SCAPER: variants seen among roughly 807,000 people sequenced by gnomAD.
SCAPER encodes the protein S-phase cyclin A associated protein in the ER, also known as S phase cyclin A-associated protein in the endoplasmic reticulum.
Under a neutral mutation model 182.2 loss-of-function variants are expected in SCAPER, and 98 were observed. The observed-to-expected ratio is 0.54, with a 90% CI of 0.46 to 0.64. SCAPER has a LOEUF of 0.64. Ranked by LOEUF, SCAPER falls within the 30% of genes least tolerant of loss-of-function variation. The pLI, the probability that SCAPER is intolerant of heterozygous loss-of-function variation, is 0.00. For synonymous variants in SCAPER, 605 were observed against 564.6 expected, an observed-to-expected ratio of 1.07 and a Z score of -1.01; for missense variants, 1,432 against 1,690.0, an observed-to-expected ratio of 0.85 and a Z score of 2.68.
At chr15:76,516,124 G>GT (rs1012039280) in intron 23 of SCAPER, among the ~76,000 whole-genome samples, 16 of 150,980 alleles carry the variant, frequency 1.1e-4, no homozygotes, top group South Asian at 4.2e-4. Flanking sequence ...CTTGGCATCA[G>GT]TTTTTTTTGC....
At chr15:76,879,969 A>T (rs1209728171) in intron 2 of SCAPER, among the ~76,000 whole-genome samples, 3 of 152,214 alleles carry the variant, frequency 2.0e-5, no homozygotes, top group African/African-American at 7.2e-5. Flanking sequence ...GGTGTCTGGC[A>T]CATAAATATG....
chr15:76,487,599 A>T (rs1300987046), intron 24 of SCAPER, among the ~76,000 whole-genome samples: 1 of 152,210 alleles, frequency 6.6e-6, no homozygotes, highest in Non-Finnish European at 1.5e-5. Flanking sequence ...TTTCAAGAAT[A>T]GGTAAAACTG....
At chr15:76,871,891 C>T (rs536988633) in intron 2 of SCAPER, among the ~76,000 whole-genome samples, 3 of 151,772 alleles carry the variant, frequency 2.0e-5, no homozygotes, top group Non-Finnish European at 4.4e-5. Context: ...ACGCCTGGCA[C>T]AATTTGCATT....
chr15:76,533,233 T>C (rs571273975), intron 23 of SCAPER, among the ~76,000 whole-genome samples: 1 of 152,186 alleles, frequency 6.6e-6, no homozygotes, highest in Non-Finnish European at 1.5e-5. Flanking sequence ...GGAAGTGCAC[T>C]GTTAAAAATC....
At chr15:76,424,587 T>C (rs561645650) in intron 26 of SCAPER, among the ~76,000 whole-genome samples, 9 of 152,342 alleles carry the variant, frequency 5.9e-5, no homozygotes, top group South Asian at 2.1e-4. Context: ...CCAGTCTGTG[T>C]CTTTTAATTG....
intron 8 of SCAPER, among the ~76,000 whole-genome samples, chr15:76,785,542 A>G (rs1321331231): frequency 6.6e-6 from 1 of 152,230 alleles, no homozygotes; most frequent in Non-Finnish European, 1.5e-5. Flanking sequence ...TACCCAAAGG[A>G]TTAGAAATCA....
chr15:76,448,356 G>T (rs923291708), intron 25 of SCAPER, among the ~76,000 whole-genome samples: 1 of 152,108 alleles, frequency 6.6e-6, no homozygotes, highest in African/African-American at 2.4e-5. Context: ...TAGGGAAAGG[G>T]GGAAAGAAGA....
chr15:76,608,750 C>A (rs1339321327), intron 22 of SCAPER, among the ~76,000 whole-genome samples: 1 of 152,250 alleles, frequency 6.6e-6, no homozygotes, highest in East Asian at 1.9e-4. Context: ...AGCCTCACTG[C>A]TGCCTTGCAG....
At position 76,358,883 on chromosome 15, in the gene SCAPER, T is replaced by A. The variant is rs192542245; in HGVS notation, c.3856-4743A>T. Among the ~76,000 whole-genome samples the A allele has an allele frequency of 4.9e-4, 75 of 152,320 alleles. 1 individual carries two copies. Among genetic ancestry groups the A allele is most frequent in the Admixed American group, 4.0e-3 (61 of 15,302 alleles). ...TTTCCCTGGGCCAACTGTCTGTCAGTGGCCATAAACCATGAAGCTACAGCT... is the reference window on the plus strand; with the variant it reads ...TTTCCCTGGGCCAACTGTCTGTCAGAGGCCATAAACCATGAAGCTACAGCT... On this transcript the variant is annotated intron_variant, in intron 29 of 31. Transcript: ENST00000563290.
In SCAPER at chr15:76,393,407, T is replaced by C. The variant is rs76418020; in HGVS notation, c.3467+11117A>G. Among the ~76,000 whole-genome samples, 1,259 of 152,288 alleles carry C rather than the reference T, an allele frequency of 8.3e-3. 17 individuals carry two copies. Among genetic ancestry groups the C allele is most frequent in the African/African-American group, 0.029 (1,199 of 41,560 alleles). On this transcript the variant is annotated intron_variant, in intron 27 of 31. Transcript: ENST00000563290. ...ATTCACTTCATTGCCTATCTCCCAA[T>C]ACCAACAAACCCTTTGTCCAAAGAC... is the stretch of plus-strand genomic sequence containing the variant.
intron 17 of SCAPER, among the ~76,000 whole-genome samples, chr15:76,706,966 A>G (rs2059295616): frequency 6.6e-6 from 1 of 152,098 alleles, no homozygotes; most frequent in East Asian, 1.9e-4. Flanking sequence ...TTATAAGACT[A>G]TTGTTTCATT....
At chr15:76,829,093 T>C (rs1449538177) in intron 5 of SCAPER, among the ~76,000 whole-genome samples, 1 of 152,132 alleles carries the variant, frequency 6.6e-6, no homozygotes, top group Non-Finnish European at 1.5e-5. Flanking sequence ...AAAAAAAATG[T>C]ATATATACAC....
At chr15:76,564,561 T>A (rs571969503) in intron 23 of SCAPER, among the ~76,000 whole-genome samples, 1 of 152,192 alleles carries the variant, frequency 6.6e-6, no homozygotes, top group South Asian at 2.1e-4. Context: ...ATAAGAAGAC[T>A]CAATATTGTT....
At chr15:76,807,624 C>T (rs2066270788) in intron 5 of SCAPER, among the ~76,000 whole-genome samples, 1 of 151,642 alleles carries the variant, frequency 6.6e-6, no homozygotes, top group Admixed American at 6.6e-5. Flanking sequence ...TGCTGGTGCA[C>T]TGCACCCACT....
intron 21 of SCAPER, among the ~76,000 whole-genome samples, chr15:76,656,513 T>C (rs1191503106): frequency 6.6e-6 from 1 of 152,130 alleles, no homozygotes; most frequent in Non-Finnish European, 1.5e-5. Flanking sequence ...CTAACAATGA[T>C]ATTCGGGGCC....
intron 8 of SCAPER, among the ~76,000 whole-genome samples, chr15:76,784,385 A>T (rs980727380): frequency 1.3e-5 from 2 of 152,232 alleles, no homozygotes; most frequent in Admixed American, 6.5e-5. Flanking sequence ...AAAATAAAAG[A>T]GGACACAAAC....
intron 26 of SCAPER, among the ~76,000 whole-genome samples, chr15:76,420,057 A>T (rs2045920887): frequency 6.6e-6 from 1 of 152,116 alleles, no homozygotes; most frequent in South Asian, 2.1e-4. Context: ...TTCAAGAGAT[A>T]CAGAAAAACA....
At chr15:76,887,738 A>C (rs62029247) in intron 1 of SCAPER, among the ~76,000 whole-genome samples, 10,240 of 152,310 alleles carry the variant, frequency 0.067, 381 homozygotes, top group Middle Eastern at 0.11. Context: ...ATAGCTGAAC[A>C]AAAAGCAGCA....
chr15:76,689,315 G>A (rs1197519032), intron 20 of SCAPER, among the ~76,000 whole-genome samples: 1 of 151,662 alleles, frequency 6.6e-6, no homozygotes, highest in Non-Finnish European at 1.5e-5. Context: ...ACTGAAAAAA[G>A]GTAAAAAGAA....
Sources: gnomAD v4.1 joint callset for allele counts (sites outside exome capture counted in the v4.1 genomes callset) on GRCh38, gnomAD v4.1.1 for gene constraint, MANE v1.5 for transcripts, NCBI Gene and HGNC (gene_info 2026-07-23, HGNC 2026-07-21) for gene names.